Variants in CALN1 observed in about 807,000 individuals in gnomAD.
CALN1 encodes calcium-binding protein 8.
CALN1 carries 17 observed loss-of-function variants against 30.6 expected under a neutral mutation model. The observed-to-expected ratio is 0.56, with a 90% CI of 0.38 to 0.83. The LOEUF is 0.83. CALN1 is among the 40% of genes least tolerant of loss of function. CALN1 has a pLI of 0.00. For missense variants in CALN1, 291 were observed against 354.9 expected, an observed-to-expected ratio of 0.82 and a Z score of 1.45; for synonymous variants, 156 against 131.4, an observed-to-expected ratio of 1.19 and a Z score of -1.28.
chr7:72,493,489 C>G, the CALN1 span, among the ~76,000 whole-genome samples: 1 of 152,070 alleles, frequency 6.6e-6, no homozygotes, highest in South Asian at 2.1e-4. Flanking sequence ...CAAGCATGCA[C>G]CACCACTCCC....
intron 1 of CALN1, among the ~76,000 whole-genome samples, chr7:72,404,011 C>T (rs1806530994): frequency 6.6e-6 from 1 of 152,176 alleles, no homozygotes; most frequent in African/African-American, 2.4e-5. Flanking sequence ...CCAGGGCAGA[C>T]CTGCAACCCA....
intron 5 of CALN1, among the ~76,000 whole-genome samples, chr7:71,985,356 G>A (rs577116571): frequency 2.6e-4 from 39 of 152,170 alleles, no homozygotes; most frequent in African/African-American, 8.9e-4. Context: ...AGAAAGCAAC[G>A]CAGCAGGCTG....
intron 2 of CALN1, among the ~76,000 whole-genome samples, chr7:72,394,548 T>C (rs1585650362): frequency 5.3e-5 from 8 of 152,030 alleles, no homozygotes; most frequent in Admixed American, 5.2e-4. Context: ...AACTGTTGAG[T>C]GAAAAAAAAG....
At chr7:72,106,071 C>A in intron 4 of CALN1, 80 bp downstream of exon 4, 1 of 1,520,660 alleles carries the variant, frequency 6.6e-7, no homozygotes, top group Non-Finnish European at 8.9e-7. Flanking sequence ...TTTAAAAGTG[C>A]AAGGCCCTGC....
intron 5 of CALN1, among the ~76,000 whole-genome samples, chr7:71,890,380 A>G (rs1793170908): frequency 6.6e-6 from 1 of 152,180 alleles, no homozygotes; most frequent in South Asian, 2.1e-4. Context: ...GTGTGGGACT[A>G]GTCCATGTTC....
rs900170097 is a variant in CALN1 at position 72,117,780 on chromosome 7, A to C, written c.245-11486T>G. ...TGAGACCAGCCTGGCCAACATGGCGAAACTCCATCTTTACTAAAAATACAA... is the reference window on the plus strand; with the variant it reads ...TGAGACCAGCCTGGCCAACATGGCGCAACTCCATCTTTACTAAAAATACAA... On this transcript the variant is annotated intron_variant, in intron 3 of 6. Coordinates refer to ENST00000395275, the MANE Select transcript of CALN1 (RefSeq NM_031468.4). Among the ~76,000 whole-genome samples the C allele has an allele frequency of 1.3e-5, 2 of 152,092 alleles. 1 individual carries two copies.
chr7:71,881,833 G>A (rs558478926), intron 5 of CALN1, among the ~76,000 whole-genome samples: 1 of 151,988 alleles, frequency 6.6e-6, no homozygotes, highest in African/African-American at 2.4e-5. Context: ...AGCACTTTGG[G>A]AGACGTAGGT....
intron 3 of CALN1, among the ~76,000 whole-genome samples, chr7:72,148,936 A>AG (rs1554455567): frequency 2.1e-5 from 3 of 141,478 alleles, no homozygotes; most frequent in Admixed American, 1.4e-4. Context: ...AAGAAAAAAA[A>AG]GAAGGAAGGA....
intron 4 of CALN1, among the ~76,000 whole-genome samples, chr7:72,066,326 G>A (rs1163409865): frequency 1.3e-5 from 2 of 152,076 alleles, no homozygotes; most frequent in African/African-American, 4.8e-5. Context: ...TCTTCCTTTG[G>A]GCATAATTAT....
intron 4 of CALN1, among the ~76,000 whole-genome samples, chr7:72,067,036 A>C (rs1379024164): frequency 2.0e-5 from 3 of 151,118 alleles, no homozygotes; most frequent in Non-Finnish European, 1.5e-5. Context: ...CAATCCACCC[A>C]CCTCGGCCTC....
chr7:71,840,955 T>C (rs1166449423), intron 5 of CALN1, among the ~76,000 whole-genome samples: 1 of 132,618 alleles, frequency 7.5e-6, no homozygotes, highest in Non-Finnish European at 1.7e-5. Context: ...CCTTTTTCTT[T>C]GGAAAAAAAA....
chr7:71,878,711 G>A (rs1792395320), intron 5 of CALN1, among the ~76,000 whole-genome samples: 1 of 152,208 alleles, frequency 6.6e-6, no homozygotes, highest in East Asian at 1.9e-4. Flanking sequence ...ATGTGAGAAA[G>A]AGGTGGCTTT....
chr7:72,437,769 T>TCTTTCCTTCCTCCCTTCCTTC (rs1554408360), intron 1 of CALN1, among the ~76,000 whole-genome samples: 4 of 139,024 alleles, frequency 2.9e-5, no homozygotes, highest in African/African-American at 8.2e-5. Context: ...CTTCCTTCTT[T>TCTTTCCTTCCTCCCTTCCTTC]CTTTCCTTCC....
intron 1 of CALN1, among the ~76,000 whole-genome samples, chr7:72,422,080 T>A (rs1169490251): frequency 1.3e-5 from 2 of 152,260 alleles, no homozygotes; most frequent in Admixed American, 6.5e-5. Flanking sequence ...ATTGTGCTGC[T>A]ATAAACATAC....
At chr7:72,238,245 C>T (rs189399475) in intron 3 of CALN1, among the ~76,000 whole-genome samples, 2 of 152,232 alleles carry the variant, frequency 1.3e-5, no homozygotes, top group Admixed American at 6.6e-5. Flanking sequence ...TTTAATATTT[C>T]CATTTTTTTC....
the CALN1 span, among the ~76,000 whole-genome samples, chr7:72,486,287 T>A: frequency 6.6e-6 from 1 of 152,214 alleles, no homozygotes; most frequent in African/African-American, 2.4e-5. Flanking sequence ...ATGCAACGTG[T>A]GACTTAATGA....
the CALN1 span, among the ~76,000 whole-genome samples, chr7:72,453,993 A>AAAATATATATATAT: frequency 1.4e-5 from 2 of 148,138 alleles, no homozygotes; most frequent in African/African-American, 5.0e-5. Flanking sequence ...ACAACCAAAA[A>AAAATATATATATAT]ATATATATAT....
intron 4 of CALN1, among the ~76,000 whole-genome samples, chr7:72,035,076 T>C (rs1251823855): frequency 2.6e-5 from 4 of 152,166 alleles, no homozygotes; most frequent in East Asian, 1.9e-4. Context: ...TAGTAGAGCA[T>C]GTTCTCATGA....
At chr7:72,219,818 G>A (rs1188491373) in intron 3 of CALN1, among the ~76,000 whole-genome samples, 4 of 152,104 alleles carry the variant, frequency 2.6e-5, no homozygotes, top group Admixed American at 6.6e-5. Context: ...ACATTTCAAT[G>A]GCTGAACTGT....
Sources: allele counts gnomAD v4.1 joint callset (sites outside exome capture counted in the v4.1 genomes callset), GRCh38; gene constraint gnomAD v4.1.1; transcripts MANE v1.5; gene names NCBI Gene and HGNC (gene_info 2026-07-23, HGNC 2026-07-21).